HSD17B13: variants seen among roughly 807,000 people sequenced by gnomAD.
The protein encoded by HSD17B13 is hydroxysteroid 17-beta dehydrogenase 13.
In HSD17B13, 26 loss-of-function variants were observed where a neutral mutation model predicts 31.1. The observed-to-expected ratio is 0.84, with a 90% CI of 0.61 to 1.16. The LOEUF (loss-of-function observed/expected upper bound fraction) is 1.16, where lower values mean the gene tolerates loss of function less well. Among genes scored for constraint, HSD17B13 ranks in the 50% most tolerant of loss-of-function variants. HSD17B13 has a pLI of 0.00. For missense variants in HSD17B13, 374 were observed against 366.5 expected (o/e 1.02, Z -0.17); for synonymous variants, 141 against 133.7 (o/e 1.05, Z -0.38).
chr4:87,320,125 G>A (rs1734746718), intron 1 of HSD17B13, among the ~76,000 whole-genome samples: 2 of 152,088 alleles, frequency 1.3e-5, no homozygotes, highest in African/African-American at 4.8e-5. Context: ...CTAAACCCTG[G>A]AGCAGCAGCC....
In HSD17B13 at chr4:87,319,527, A is replaced by G. The variant is rs372345568; in HGVS notation, c.211-1091T>C. ...GAGCACCAACTATGTAATAGGCAGT[A>G]AAGTGCTAAGTAGTAATTCTAAACT... On this transcript the variant is annotated intron_variant, in intron 1 of 6. Transcript: ENST00000328546. Among the ~76,000 whole-genome samples, 7 of 152,360 alleles carry G rather than the reference A, an allele frequency of 4.6e-5. No individual in the cohort carries two copies. In the South Asian group the frequency reaches 1.4e-3, roughly 32 times the overall value.
rs780707459 is a variant in HSD17B13, at chr4:87,315,475, C to T, written c.557+18G>A. ...CAAAGTATAAAAATATATAACATGG[C>T]TGGCATGTGATACTTACCAATATGG... On this transcript the variant is annotated intron_variant, in intron 4 of 6. Transcript: ENST00000328546. The T allele has an allele frequency of 7.1e-6, 10 of 1,416,756 alleles. No individual in the cohort carries two copies. The highest frequency in any genetic ancestry group is 5.2e-5 in the Admixed American group (3 of 57,360). 87.8% of individuals were successfully genotyped at this position (1,416,756 alleles called of 1,614,324 possible).
chr4:87,318,555 T>G (rs1734712114), intron 1 of HSD17B13, 119 bp from the exon 2 acceptor site: 1 of 759,432 alleles, frequency 1.3e-6, no homozygotes, highest in Non-Finnish European at 2.2e-6. Flanking sequence ...ATCCCAGCAC[T>G]TTGGTTGGCC....
rs763643283 is a variant in HSD17B13, at chr4:87,318,406, G to C, written c.241C>G (p.Arg81Gly). 2.5e-6 allele frequency: 4 copies of C among 1,614,072 alleles called. No individual in the cohort carries two copies. In the South Asian group the frequency reaches 4.4e-5, roughly 18 times the overall value. ...GCATGCGCAGTGACGCCTAGTTTTC[G>C]GCACTCAGCTGCAGTTTCCTCCACA... ...RGVEETAAEC[R>G]KLGVTAHAYV... The change falls in exon 2 of 7, where the codon CGA becomes GGA. Residue 81 changes from arginine (R) to glycine (G), a missense_variant. By Grantham distance (125) the Arg-to-Gly change is moderately radical. Coordinates refer to ENST00000328546, the MANE Select transcript of HSD17B13 (RefSeq NM_178135.5).
At chr4:87,315,677 A>C in intron 3 of HSD17B13, 78 bp from the exon 4 acceptor site, 1 of 785,142 alleles carries the variant, frequency 1.3e-6, no homozygotes. Flanking sequence ...TATTTTTGTT[A>C]AGACAGAAAG....
intron 5 of HSD17B13, among the ~76,000 whole-genome samples, chr4:87,312,639 C>T (rs1734556868): frequency 6.8e-6 from 1 of 147,672 alleles, no homozygotes; most frequent in Non-Finnish European, 1.5e-5. Flanking sequence ...ACGCCATTCT[C>T]CTGCCTCAGC....
chr4:87,305,662 G>A (rs538688654), intron 6 of HSD17B13, among the ~76,000 whole-genome samples: 1 of 152,022 alleles, frequency 6.6e-6, no homozygotes, highest in Admixed American at 6.6e-5. Flanking sequence ...GCAGTGAGCC[G>A]AGATCACGCC....
chr4:87,318,418 C>T lies in HSD17B13; in HGVS notation c.229G>A (p.Ala77Thr). 1 of 1,614,062 alleles carries T rather than the reference C, an allele frequency of 6.2e-7. No individual in the cohort carries two copies. The highest frequency in any genetic ancestry group is 8.5e-7 in the Non-Finnish European group (1 of 1,179,912). Residue 77 changes from alanine (A) to threonine (T), a missense_variant, in exon 2 of 7, where the codon GCA becomes ACA. Coordinates refer to ENST00000328546, the MANE Select transcript of HSD17B13 (RefSeq NM_178135.5). ...DINKRGVEET[A>T]AECRKLGVTA... The stretch of plus-strand genomic sequence containing the variant: ...ACGCCTAGTTTTCGGCACTCAGCTG[C>T]AGTTTCCTCCACACCGCGCTGTAAT...
chr4:87,316,415 G>T (rs1734650192), intron 3 of HSD17B13, among the ~76,000 whole-genome samples: 3 of 152,132 alleles, frequency 2.0e-5, no homozygotes, highest in Admixed American at 6.6e-5. Flanking sequence ...AGGTAAGGGG[G>T]ACACATCTCT....
Position 87,322,708 on chromosome 4 carries a change from C to G in HSD17B13, c.134G>C (p.Gly45Ala). ...AGTAGTCTGCCTGCCTATTCCATGCCCAGCTCCAGTAATGAGAACAATCTC... is the reference window on the plus strand; with the variant it reads ...AGTAGTCTGCCTGCCTATTCCATGCGCAGCTCCAGTAATGAGAACAATCTC... ...AGEIVLITGA[G>A]HGIGRQTTYE... Residue 45 changes from glycine to alanine, a missense_variant, in exon 1 of 7, where the codon GGG (glycine) becomes GCG (alanine). Physicochemically the swap from Gly to Ala is moderately conservative, Grantham distance 60. Transcript: ENST00000328546. 6.2e-7 allele frequency: 1 copy of G among 1,614,116 alleles called. No homozygotes were observed. The highest frequency in any genetic ancestry group is 8.5e-7 in the Non-Finnish European group (1 of 1,180,030).
chr4:87,322,105 G>A (rs1370745594), intron 1 of HSD17B13, among the ~76,000 whole-genome samples: 4 of 152,194 alleles, frequency 2.6e-5, no homozygotes, highest in East Asian at 3.8e-4. Context: ...GCCACGTATC[G>A]TTTATCATAT....
intron 5 of HSD17B13, among the ~76,000 whole-genome samples, chr4:87,311,809 C>G (rs974422281): frequency 6.6e-6 from 1 of 152,198 alleles, no homozygotes; most frequent in Non-Finnish European, 1.5e-5. Context: ...GAGTTCTCCA[C>G]TGCCTTGAAT....
At chr4:87,314,641 T>TCTCTCTCTCTCTCA (rs373166006) in intron 4 of HSD17B13, among the ~76,000 whole-genome samples, 1 of 142,140 alleles carries the variant, frequency 7.0e-6, no homozygotes, top group African/African-American at 2.5e-5. Flanking sequence ...TCTCTCTCTC[T>TCTCTCTCTCTCTCA]CACACACACA....
At chr4:87,312,793 C>T (rs1213530293) in intron 5 of HSD17B13, among the ~76,000 whole-genome samples, 1 of 151,776 alleles carries the variant, frequency 6.6e-6, no homozygotes, top group East Asian at 2.0e-4. Flanking sequence ...GGCATGGTGG[C>T]TCACTCCTGT....
chr4:87,320,300 T>A (rs1172760057), intron 1 of HSD17B13, among the ~76,000 whole-genome samples: 1 of 151,964 alleles, frequency 6.6e-6, no homozygotes, highest in African/African-American at 2.4e-5. Context: ...CCATACTCTC[T>A]CATTTGTTTC....
chr4:87,318,405 C>G lies in HSD17B13; in HGVS notation c.242G>C (p.Arg81Pro). 6.2e-7 allele frequency: 1 copy of G among 1,614,104 alleles called. No individual in the cohort carries two copies. The change falls in exon 2 of 7, where the codon CGA (arginine) becomes CCA (proline). Residue 81 changes from arginine (R) to proline (P), a missense_variant. By Grantham distance (103) the Arg-to-Pro change is moderately radical. Coordinates refer to ENST00000328546, the MANE Select transcript of HSD17B13 (RefSeq NM_178135.5). ...RGVEETAAEC[R>P]KLGVTAHAYV... ...CGCATGCGCAGTGACGCCTAGTTTT[C>G]GGCACTCAGCTGCAGTTTCCTCCAC...
At chr4:87,316,384 A>T (rs1030759640) in intron 3 of HSD17B13, among the ~76,000 whole-genome samples, 1 of 152,216 alleles carries the variant, frequency 6.6e-6, no homozygotes, top group Non-Finnish European at 1.5e-5. Flanking sequence ...GAGCCAATTC[A>T]CATATGTGAA....
chr4:87,308,951 C>A (rs181509096), intron 6 of HSD17B13, among the ~76,000 whole-genome samples: 1 of 127,052 alleles, frequency 7.9e-6, no homozygotes, highest in Admixed American at 7.5e-5. Context: ...AAAAGCTTAT[C>A]GAGTTTAGCA....
intron 3 of HSD17B13, among the ~76,000 whole-genome samples, chr4:87,316,389 T>G (rs143951439): frequency 3.9e-5 from 6 of 152,192 alleles, no homozygotes; most frequent in Non-Finnish European, 5.9e-5. Flanking sequence ...AATTCACATA[T>G]GTGAAGAGCT....
Sources: allele counts gnomAD v4.1 joint callset (sites outside exome capture counted in the v4.1 genomes callset), GRCh38; gene constraint gnomAD v4.1.1; transcripts MANE v1.5; gene names NCBI Gene and HGNC (gene_info 2026-07-23, HGNC 2026-07-21).